PUM2: variants seen among roughly 807,000 people sequenced by gnomAD.
PUM2 encodes pumilio homolog 2.
PUM2 carries 57 observed loss-of-function variants against 124.5 expected under a neutral mutation model. The ratio of observed to expected loss-of-function variants is 0.46; its 90% CI spans 0.37 to 0.57. PUM2 has a LOEUF of 0.57. Ranked by LOEUF, PUM2 falls within the 20% of genes least tolerant of loss-of-function variation. The pLI is 0.00. For synonymous variants in PUM2, 460 were observed against 446.1 expected, an observed-to-expected ratio of 1.03 and a Z score of -0.39; for missense variants, 1,065 against 1,290.6, an observed-to-expected ratio of 0.83 and a Z score of 2.68.
At chr2:20,269,753 G>A (rs773033016) in intron 13 of PUM2, among the ~76,000 whole-genome samples, 14 of 152,056 alleles carry the variant, frequency 9.2e-5, no homozygotes, top group Non-Finnish European at 1.8e-4. Flanking sequence ...TGTTGTTTCC[G>A]TTTCTATTGC....
At chr2:20,321,189 G>A (rs1389456694) in intron 2 of PUM2, among the ~76,000 whole-genome samples, 1 of 152,132 alleles carries the variant, frequency 6.6e-6, no homozygotes, top group East Asian at 1.9e-4. Context: ...TCAGGAGGCT[G>A]GGCAAGAAAA....
intron 9 of PUM2, among the ~76,000 whole-genome samples, chr2:20,294,080 G>C (rs1016770787): frequency 6.6e-6 from 1 of 152,048 alleles, no homozygotes; most frequent in African/African-American, 2.4e-5. Context: ...TATTTTGATA[G>C]GAACATTATT....
intron 1 of PUM2, among the ~76,000 whole-genome samples, chr2:20,339,272 T>C (rs983537660): frequency 1.3e-5 from 2 of 151,948 alleles, no homozygotes; most frequent in Non-Finnish European, 2.9e-5. Context: ...TCTCAGCTAC[T>C]TGGGAGATTG....
intron 13 of PUM2, among the ~76,000 whole-genome samples, chr2:20,272,081 C>T (rs763908777): frequency 9.2e-5 from 14 of 151,822 alleles, no homozygotes; most frequent in Non-Finnish European, 1.9e-4. Context: ...ATCGCTTGAA[C>T]CTGGGAGACA....
In PUM2 at chr2:20,328,469, A is replaced by T. The variant is rs545227912; in HGVS notation, c.-18-1091T>A. On this transcript the variant is annotated intron_variant, in intron 1 of 20. Transcript: ENST00000361078. ...TTACTAGACAGGTGAGAAAAAAGGA[A>T]AATGTGACCTAAAGGAAAAAGTCAA... Among the ~76,000 whole-genome samples, 3 of 152,348 alleles carry T rather than the reference A, an allele frequency of 2.0e-5. No homozygotes were observed. The East Asian group carries it at 5.8e-4, about 29-fold the overall frequency.
intron 7 of PUM2, among the ~76,000 whole-genome samples, chr2:20,304,300 T>C (rs1677697091): frequency 6.6e-6 from 1 of 152,166 alleles, no homozygotes; most frequent in South Asian, 2.1e-4. Flanking sequence ...CTAGGAACTC[T>C]CCAACCAACT....
chr2:20,337,233 A>C (rs1166819431), intron 1 of PUM2, among the ~76,000 whole-genome samples: 1 of 152,172 alleles, frequency 6.6e-6, no homozygotes, highest in African/African-American at 2.4e-5. Flanking sequence ...GAGAAAAATC[A>C]GGGAAACTCA....
intron 7 of PUM2, among the ~76,000 whole-genome samples, chr2:20,299,651 G>A (rs886650145): frequency 8.5e-5 from 13 of 152,082 alleles, no homozygotes; most frequent in Admixed American, 8.5e-4. Context: ...CTAGGCAACA[G>A]AGTAAGACTC....
chr2:20,339,312 T>A (rs1686754428), intron 1 of PUM2, among the ~76,000 whole-genome samples: 1 of 147,020 alleles, frequency 6.8e-6, no homozygotes, highest in Non-Finnish European at 1.5e-5. Context: ...AGACCAGGAG[T>A]GGGAAAATGA....
chr2:20,326,190 A>G, intron 2 of PUM2: 1 of 1,180,890 alleles, frequency 8.5e-7, no homozygotes, highest in Non-Finnish European at 1.1e-6. Context: ...CTTAGGGTTG[A>G]GAATTTTACC....
intron 13 of PUM2, among the ~76,000 whole-genome samples, chr2:20,264,795 C>G (rs759834334): frequency 6.6e-6 from 1 of 152,020 alleles, no homozygotes; most frequent in African/African-American, 2.4e-5. Flanking sequence ...CAAAGCTATA[C>G]GGAGGTATTA....
chr2:20,324,156 T>C (rs1462070955), intron 2 of PUM2, among the ~76,000 whole-genome samples: 1 of 152,092 alleles, frequency 6.6e-6, no homozygotes, highest in Non-Finnish European at 1.5e-5. Flanking sequence ...ATTTCAGAGA[T>C]ACATGTGATT....
intron 2 of PUM2, among the ~76,000 whole-genome samples, chr2:20,326,721 T>C (rs937145100): frequency 4.6e-5 from 7 of 152,204 alleles, no homozygotes; most frequent in African/African-American, 1.7e-4. Context: ...GCGAAGTGCC[T>C]ACTATGCTAG....
intron 7 of PUM2, among the ~76,000 whole-genome samples, chr2:20,307,211 C>T (rs1678551077): frequency 6.6e-6 from 1 of 151,950 alleles, no homozygotes; most frequent in Non-Finnish European, 1.5e-5. Flanking sequence ...GAGACTCTCT[C>T]TCCAAAATAA....
chr2:20,271,795 TAAAAAGTTTACAAAG>T (rs1407884891), intron 13 of PUM2, among the ~76,000 whole-genome samples: 3 of 152,218 alleles, frequency 2.0e-5, no homozygotes, highest in African/African-American at 7.2e-5. Context: ...TACAATTTTA[TAAAAAGTTTACAAAG>T]ATGTGAAACA....
chr2:20,271,875 C>T (rs1669087947), intron 13 of PUM2, among the ~76,000 whole-genome samples: 1 of 152,088 alleles, frequency 6.6e-6, no homozygotes, highest in Non-Finnish European at 1.5e-5. Flanking sequence ...TAAAAGCATC[C>T]TGACCAGGCA....
rs769374511 is a variant in PUM2 at position 20,308,568 on chromosome 2, G to T, written c.535C>A (p.Arg179Ser). ...ACTACTTCAGTTGGAGAGGCTTGACGACTTCCAGGAGTACGACTACATAAA... is the reference window on the plus strand; with the variant it reads ...ACTACTTCAGTTGGAGAGGCTTGACTACTTCCAGGAGTACGACTACATAAA... ...CKDFNRTPGS[R>S]QASPTEVVER... Residue 179 changes from arginine to serine, a missense_variant, in exon 6 of 21, where the codon CGT (arginine) becomes AGT (serine). Physicochemically the swap from Arg to Ser is moderately radical, Grantham distance 110. Coordinates refer to ENST00000361078, the MANE Select transcript of PUM2 (RefSeq NM_015317.5). 3.9e-5 allele frequency: 63 copies of T among 1,611,930 alleles called. No homozygotes were observed. Among genetic ancestry groups the T allele is most frequent in the Non-Finnish European group, 5.1e-5 (60 of 1,178,970 alleles).
intron 8 of PUM2, among the ~76,000 whole-genome samples, chr2:20,295,393 G>A (rs1675267151): frequency 1.3e-5 from 2 of 151,840 alleles, no homozygotes; most frequent in Non-Finnish European, 2.9e-5. Context: ...TCAAACTCTC[G>A]GTTTCACGTT....
chr2:20,291,420 C>T (rs771258684), intron 9 of PUM2, among the ~76,000 whole-genome samples: 7 of 152,192 alleles, frequency 4.6e-5, no homozygotes, highest in East Asian at 1.9e-4. Flanking sequence ...ATATCCTCCT[C>T]GCTCGGCGTC....
Sources: gnomAD v4.1 joint callset for allele counts (sites outside exome capture counted in the v4.1 genomes callset) on GRCh38, gnomAD v4.1.1 for gene constraint, MANE v1.5 for transcripts, NCBI Gene and HGNC (gene_info 2026-07-23, HGNC 2026-07-21) for gene names.